AFG2A: variants seen among roughly 807,000 people sequenced by gnomAD.
AFG2A encodes the protein AAA ATPase AFG2A.
chr4:123,003,848 G>A, the AFG2A span, among the ~76,000 whole-genome samples: 2 of 152,190 alleles, frequency 1.3e-5, no homozygotes, highest in Non-Finnish European at 2.9e-5. Context: ...CTGTCAGACA[G>A]GGACATTTAA....
the AFG2A span, among the ~76,000 whole-genome samples, chr4:122,943,350 T>C: frequency 6.6e-6 from 1 of 152,232 alleles, no homozygotes; most frequent in Non-Finnish European, 1.5e-5. Context: ...TTAGGATAGT[T>C]AGCTCTTCGT....
chr4:123,019,629 T>G, the AFG2A span, among the ~76,000 whole-genome samples: 591 of 152,338 alleles, frequency 3.9e-3, 1 homozygote, highest in Non-Finnish European at 6.8e-3. Flanking sequence ...CAAATCTGTC[T>G]TCACTGTCTT....
chr4:123,174,672 G>A, the AFG2A span, among the ~76,000 whole-genome samples: 1 of 151,796 alleles, frequency 6.6e-6, no homozygotes, highest in African/African-American at 2.4e-5. Context: ...CTTGAAGACT[G>A]GTTTACAAAA....
At chr4:122,967,532 C>G in the AFG2A span, among the ~76,000 whole-genome samples, 1 of 152,142 alleles carries the variant, frequency 6.6e-6, no homozygotes, top group Admixed American at 6.5e-5. Context: ...CAAATCAAAA[C>G]TCTTTGTGAA....
At chr4:123,000,142 G>A in the AFG2A span, among the ~76,000 whole-genome samples, 1 of 149,716 alleles carries the variant, frequency 6.7e-6, no homozygotes, top group South Asian at 2.2e-4. Context: ...TGTGATTTTT[G>A]TACATTGATT....
At chr4:122,988,575 T>C in the AFG2A span, among the ~76,000 whole-genome samples, 11 of 152,120 alleles carry the variant, frequency 7.2e-5, no homozygotes, top group African/African-American at 2.7e-4. Context: ...ATTTCTGTAT[T>C]TTTAGTAGAG....
the AFG2A span, among the ~76,000 whole-genome samples, chr4:123,239,496 C>T: frequency 1.3e-5 from 2 of 152,180 alleles, no homozygotes; most frequent in East Asian, 3.8e-4. Context: ...GGGCAGAAAT[C>T]ATACAAGCCA....
At chr4:123,050,557 A>C in the AFG2A span, among the ~76,000 whole-genome samples, 3 of 151,890 alleles carry the variant, frequency 2.0e-5, no homozygotes, top group African/African-American at 7.3e-5. Flanking sequence ...TTATATAATG[A>C]CTTTCTTTGT....
the AFG2A span, among the ~76,000 whole-genome samples, chr4:123,144,689 G>A: frequency 6.6e-5 from 10 of 152,062 alleles, no homozygotes; most frequent in African/African-American, 2.4e-4. Flanking sequence ...TAAAGTTGGG[G>A]GAAAAGTACT....
chr4:123,173,340 GTTTTTTTTTTTT>G, the AFG2A span, among the ~76,000 whole-genome samples: 6 of 70,304 alleles, frequency 8.5e-5, no homozygotes, highest in South Asian at 1.4e-3. Flanking sequence ...AAGTCCAATG[GTTTTTTTTTTTT>G]TTTTTTTTTT....
the AFG2A span, among the ~76,000 whole-genome samples, chr4:122,958,106 G>A: frequency 2.0e-5 from 3 of 152,142 alleles, no homozygotes; most frequent in African/African-American, 4.8e-5. Context: ...TCTGCTTTGC[G>A]CTGAGGAAAG....
At chr4:123,099,617 A>G in the AFG2A span, among the ~76,000 whole-genome samples, 1 of 151,760 alleles carries the variant, frequency 6.6e-6, no homozygotes, top group Non-Finnish European at 1.5e-5. Context: ...AAAAAATATA[A>G]TACTGAACTT....
chr4:123,233,488 T>C, the AFG2A span, among the ~76,000 whole-genome samples: 3 of 152,054 alleles, frequency 2.0e-5, no homozygotes, highest in Admixed American at 1.3e-4. Context: ...TCTTTTTATA[T>C]TGAAATTTAA....
At chr4:122,950,522 G>A in the AFG2A span, among the ~76,000 whole-genome samples, 4 of 152,042 alleles carry the variant, frequency 2.6e-5, no homozygotes, top group Non-Finnish European at 1.5e-5. Flanking sequence ...TGTATTTTTA[G>A]TAGAGACAGG....
At chr4:123,032,058 T>C in the AFG2A span, among the ~76,000 whole-genome samples, 1 of 152,238 alleles carries the variant, frequency 6.6e-6, no homozygotes, top group Non-Finnish European at 1.5e-5. Flanking sequence ...GATAGCTGCA[T>C]TGCTTTACTA....
the AFG2A span, among the ~76,000 whole-genome samples, chr4:123,259,298 C>T: frequency 1.3e-5 from 2 of 152,186 alleles, no homozygotes; most frequent in African/African-American, 4.8e-5. Context: ...GAAATAGCTC[C>T]TTCTGGTCAA....
the AFG2A span, among the ~76,000 whole-genome samples, chr4:123,225,190 T>G: frequency 3.9e-5 from 6 of 152,260 alleles, no homozygotes; most frequent in African/African-American, 1.4e-4. Context: ...TAGTTTCTTT[T>G]GCTGTGCAGA....
chr4:123,147,606 A>AT, the AFG2A span, among the ~76,000 whole-genome samples: 3 of 152,186 alleles, frequency 2.0e-5, no homozygotes, highest in African/African-American at 7.2e-5. Context: ...CTTCTCGCTT[A>AT]TTTGTATGAA....
At chr4:123,069,782 A>G in the AFG2A span, among the ~76,000 whole-genome samples, 3 of 152,324 alleles carry the variant, frequency 2.0e-5, no homozygotes, top group South Asian at 2.1e-4. Flanking sequence ...AAGCTAAGCA[A>G]TTACTACATT....
Sources: gnomAD v4.1 joint callset for allele counts (sites outside exome capture counted in the v4.1 genomes callset) on GRCh38, gnomAD v4.1.1 for gene constraint, MANE v1.5 for transcripts, NCBI Gene and HGNC (gene_info 2026-07-23, HGNC 2026-07-21) for gene names.